SND1: variants seen among roughly 807,000 people sequenced by gnomAD.
SND1 encodes staphylococcal nuclease domain-containing protein 1.
Under a neutral mutation model 121.7 loss-of-function variants are expected in SND1, and 38 were observed. The ratio of observed to expected loss-of-function variants is 0.31; its 90% confidence interval spans 0.24 to 0.41. SND1 has a LOEUF of 0.41. SND1 is among the 10% of genes least tolerant of loss of function. The probability of loss-of-function intolerance (pLI) is 1.00; values close to 1 mark genes in which losing one functional copy is unlikely to be tolerated. For missense variants in SND1, 868 were observed against 1,184.6 expected, an observed-to-expected ratio of 0.73 and a Z score of 3.92; for synonymous variants, 401 against 447.4, an observed-to-expected ratio of 0.90 and a Z score of 1.31.
intron 10 of SND1, among the ~76,000 whole-genome samples, chr7:127,722,103 T>G (rs1484615381): frequency 2.0e-5 from 3 of 152,180 alleles, no homozygotes; most frequent in African/African-American, 2.4e-5. Context: ...TGAAAATTTT[T>G]GGGGATTTGG....
intron 14 of SND1, among the ~76,000 whole-genome samples, chr7:127,908,847 C>A (rs1027953326): frequency 6.6e-6 from 1 of 152,162 alleles, no homozygotes; most frequent in Non-Finnish European, 1.5e-5. Flanking sequence ...GTAATAAATA[C>A]AATCTCCTGC....
In SND1 at chr7:127,892,018, C is replaced by T. The variant is rs551264862; in HGVS notation, c.1454+4006C>T. Among the ~76,000 whole-genome samples, 3 of 152,186 alleles carry T rather than the reference C, an allele frequency of 2.0e-5. No individual in the cohort carries two copies. In the South Asian group the frequency reaches 6.2e-4, roughly 32 times the overall value. On this transcript the variant is annotated intron_variant, in intron 13 of 23. Transcript: ENST00000354725. ...TTCCTCCCTACCAGGGTGTTGATTC[C>T]AACAGACTTCTTTGACCCTGGTTAT...
chr7:128,092,145 G>A lies in SND1; in HGVS notation c.*87G>A. The A allele has an allele frequency of 7.2e-7, 1 of 1,381,270 alleles. No homozygotes were observed. The allele number at this position is 1,381,270 out of a possible 1,614,324, so 85.6% of individuals were successfully genotyped here. ...GGTGTTTTCAACTCCAAACCCCAGA[G>A]AGGGGTTGTAGATTGGGTCCAGCTT... On this transcript the variant is annotated 3_prime_UTR_variant, in exon 24 of 24. Coordinates refer to ENST00000354725, the MANE Select transcript of SND1 (RefSeq NM_014390.4). The surrounding 1 kb of genome is among the most constrained non-coding windows in gnomAD (Gnocchi z 4.9).
At chr7:127,950,200 C>T (rs189835974) in intron 15 of SND1, among the ~76,000 whole-genome samples, 1 of 152,270 alleles carries the variant, frequency 6.6e-6, no homozygotes, top group Admixed American at 6.5e-5. Flanking sequence ...AAGAAAGGGC[C>T]TAGACTTCCC....
intron 13 of SND1, among the ~76,000 whole-genome samples, chr7:127,890,725 A>G (rs888947928): frequency 6.6e-6 from 1 of 152,180 alleles, no homozygotes; most frequent in Non-Finnish European, 1.5e-5. Flanking sequence ...CTTAATGAGC[A>G]TTCATAGATA....
At chr7:127,998,127 A>G (rs1325241138) in intron 16 of SND1, 1 of 405,434 alleles carries the variant, frequency 2.5e-6, no homozygotes. Flanking sequence ...AAATCAACTA[A>G]TTGATTCCTT....
chr7:127,864,392 G>T (rs1003266539), intron 12 of SND1, among the ~76,000 whole-genome samples: 9 of 151,854 alleles, frequency 5.9e-5, no homozygotes, highest in Non-Finnish European at 1.3e-4. Flanking sequence ...TCTGTTTGGT[G>T]ACACCAGCAA....
intron 16 of SND1, among the ~76,000 whole-genome samples, chr7:127,994,807 G>A (rs77082227): frequency 6.6e-6 from 1 of 152,112 alleles, no homozygotes; most frequent in East Asian, 1.9e-4. Context: ...TGCCTTCTGG[G>A]TTCAAGCAAT....
At position 127,915,490 on chromosome 7, in the gene SND1, A is replaced by G. The variant is rs148801457; in HGVS notation, c.1527+10671A>G. On this transcript the variant is annotated intron_variant, in intron 14 of 23. Coordinates refer to ENST00000354725, the MANE Select transcript of SND1 (RefSeq NM_014390.4). ...ATGCCATCTCTGTCTTGTTTTTTAAATGCATTCCTCATGTTGAATCAGTGA... is the reference window on the plus strand; with the variant it reads ...ATGCCATCTCTGTCTTGTTTTTTAAGTGCATTCCTCATGTTGAATCAGTGA... Among the ~76,000 whole-genome samples, 4 of 152,302 alleles carry G rather than the reference A, an allele frequency of 2.6e-5. No homozygotes were observed. In the East Asian group the frequency reaches 7.7e-4, roughly 29 times the overall value.
chr7:127,956,064 G>GGT (rs1465427257), intron 15 of SND1, among the ~76,000 whole-genome samples: 1 of 152,056 alleles, frequency 6.6e-6, no homozygotes, highest in Non-Finnish European at 1.5e-5. Context: ...CCCAGAACCT[G>GGT]GTGTAAGTAA....
chr7:127,867,377 G>A (rs1457520007), intron 12 of SND1, among the ~76,000 whole-genome samples: 1 of 151,988 alleles, frequency 6.6e-6, no homozygotes, highest in Non-Finnish European at 1.5e-5. Context: ...AAATATTTGT[G>A]CTTCCTAGGC....
chr7:127,957,145 A>G (rs1801613377), intron 15 of SND1, among the ~76,000 whole-genome samples: 1 of 152,238 alleles, frequency 6.6e-6, no homozygotes, highest in Admixed American at 6.5e-5. Context: ...GTCCCCAAGA[A>G]GATAGGTCCA....
chr7:128,057,922 T>G (rs193128849), intron 16 of SND1, among the ~76,000 whole-genome samples: 23 of 152,226 alleles, frequency 1.5e-4, no homozygotes, highest in African/African-American at 5.5e-4. Flanking sequence ...GTGGTGGAAA[T>G]GAGACTAGAG....
At chr7:127,978,346 C>G (rs1802176662) in intron 15 of SND1, among the ~76,000 whole-genome samples, 1 of 152,144 alleles carries the variant, frequency 6.6e-6, no homozygotes, top group East Asian at 1.9e-4. Context: ...AGGACAACAT[C>G]TTAGGAGCAA....
At chr7:127,953,151 CGTGTGTGTGTGTGT>C (rs59825900) in intron 15 of SND1, among the ~76,000 whole-genome samples, 2,773 of 92,180 alleles carry the variant, frequency 0.03, 56 homozygotes, top group African/African-American at 0.047. Flanking sequence ...GTGACAAGAC[CGTGTGTGTGTGTGT>C]GTGTGTGTGT....
chr7:128,064,151 G>A (rs1196696243), intron 16 of SND1, among the ~76,000 whole-genome samples: 3 of 152,110 alleles, frequency 2.0e-5, no homozygotes, highest in African/African-American at 7.2e-5. Flanking sequence ...GCCCTTTGAG[G>A]TAGGTAGCAT....
intron 11 of SND1, among the ~76,000 whole-genome samples, chr7:127,837,812 G>A (rs1382023590): frequency 6.6e-6 from 1 of 152,232 alleles, no homozygotes; most frequent in Non-Finnish European, 1.5e-5. Context: ...CACTTTGTAT[G>A]GAAGATCCTG....
At chr7:127,887,720 A>G (rs565187359) in intron 12 of SND1, among the ~76,000 whole-genome samples, 182 bp from the exon 13 acceptor site, 1 of 151,474 alleles carries the variant, frequency 6.6e-6, no homozygotes, top group South Asian at 2.1e-4. Context: ...TGAGCTAGGG[A>G]ACTTTGTTAT....
chr7:128,078,750 T>C (rs567345533), intron 17 of SND1, among the ~76,000 whole-genome samples: 26 of 152,266 alleles, frequency 1.7e-4, no homozygotes, highest in Non-Finnish European at 2.9e-5. Flanking sequence ...TCAACACTGC[T>C]GAGGGGCCGC....
Sources: gnomAD v4.1 joint callset for allele counts (sites outside exome capture counted in the v4.1 genomes callset) on GRCh38, gnomAD v4.1.1 for gene constraint, Gnocchi (gnomAD v3.1) non-coding constraint, MANE v1.5 for transcripts, NCBI Gene and HGNC (gene_info 2026-07-23, HGNC 2026-07-21) for gene names.